Variants in STIM1 observed in about 807,000 individuals in gnomAD.
STIM1 encodes the protein stromal interaction molecule 1.
Under a neutral mutation model 74.7 loss-of-function variants are expected in STIM1, and 25 were observed. That is an observed-to-expected ratio of 0.33 (90% CI 0.24 to 0.47). STIM1 has a LOEUF of 0.47. Ranked by LOEUF, STIM1 falls within the 20% of genes least tolerant of loss-of-function variation. The pLI is 1.00. For synonymous variants in STIM1, 328 were observed against 348.8 expected, an observed-to-expected ratio of 0.94 and a Z score of 0.66; for missense variants, 728 against 920.8, an observed-to-expected ratio of 0.79 and a Z score of 2.71.
intron 2 of STIM1, among the ~76,000 whole-genome samples, chr11:3,984,861 C>T (rs1191526468): frequency 6.6e-6 from 1 of 152,164 alleles, no homozygotes; most frequent in Non-Finnish European, 1.5e-5. Context: ...ATTATGTAAA[C>T]AGGCAGTGAC....
At chr11:4,026,625 C>G (rs4910875) in intron 3 of STIM1, among the ~76,000 whole-genome samples, 37,593 of 152,080 alleles carry the variant, frequency 0.25, 5,664 homozygotes, top group South Asian at 0.45. Flanking sequence ...ATTACCATGG[C>G]CTTCTCAGGT....
intron 7 of STIM1, among the ~76,000 whole-genome samples, chr11:4,078,606 C>T (rs1161549751): frequency 6.0e-5 from 9 of 150,564 alleles, no homozygotes; most frequent in East Asian, 5.9e-4. Flanking sequence ...TCGCTCTTGT[C>T]GCCCAGGCTG....
chr11:4,043,829 A>G (rs1262589370), intron 3 of STIM1, among the ~76,000 whole-genome samples: 1 of 151,944 alleles, frequency 6.6e-6, no homozygotes, highest in Non-Finnish European at 1.5e-5. Context: ...ATCCTGGCCA[A>G]CATGGTGAAA....
intron 1 of STIM1, among the ~76,000 whole-genome samples, chr11:3,885,289 C>T (rs1053525689): frequency 1.3e-5 from 2 of 151,780 alleles, no homozygotes; most frequent in African/African-American, 4.8e-5. Context: ...ACCAATCCTT[C>T]CACTTCAGCC....
At chr11:3,964,297 C>T (rs929918504) in intron 1 of STIM1, among the ~76,000 whole-genome samples, 1 of 152,172 alleles carries the variant, frequency 6.6e-6, no homozygotes, top group African/African-American at 2.4e-5. Flanking sequence ...GGAAAGGTCT[C>T]AGGAAGAACA....
chr11:3,987,804 GACACACACAC>G (rs55772228), intron 2 of STIM1, among the ~76,000 whole-genome samples: 3,973 of 145,382 alleles, frequency 0.027, 74 homozygotes, highest in Non-Finnish European at 0.026. Context: ...TGTCCTTAAG[GACACACACAC>G]ACACACACAC....
intron 1 of STIM1, among the ~76,000 whole-genome samples, chr11:3,909,256 T>G (rs879595170): frequency 1.3e-5 from 2 of 152,124 alleles, no homozygotes; most frequent in Non-Finnish European, 2.9e-5. Context: ...GAGGGTGGGT[T>G]CAAGTGCCGT....
At chr11:4,067,769 C>G (rs2094377630) in intron 5 of STIM1, among the ~76,000 whole-genome samples, 1 of 152,176 alleles carries the variant, frequency 6.6e-6, no homozygotes. Context: ...CTCTATTTCC[C>G]TTCCTTTCTT....
rs1159126517 is a variant in STIM1, at chr11:3,873,418, C to CA, written c.139+17028dup. Among the ~76,000 whole-genome samples the CA allele has an allele frequency of 9.3e-3, 527 of 56,818 alleles. 2 individuals carry two copies. The highest frequency in any genetic ancestry group is 0.022 in the South Asian group (38 of 1,744). The allele number at this position is 56,818 out of a possible 152,430, so 37.3% of individuals were successfully genotyped here. A position where few individuals can be genotyped will look rare whatever the true frequency, so the allele number is the denominator to read the frequency against. ...GGGCAACAAGAGCAAAGCTCCATTT[C>CA]AAAAAAAAAAAAAAAAAAATTAAAA... On this transcript the variant is annotated intron_variant, in intron 1 of 12. Coordinates refer to ENST00000526596, the MANE Select transcript of STIM1 (RefSeq NM_001382567.1).
chr11:3,923,707 C>T (rs1468229683), intron 1 of STIM1, among the ~76,000 whole-genome samples: 1 of 151,224 alleles, frequency 6.6e-6, no homozygotes. Flanking sequence ...ACTCTCTATT[C>T]TAATTGTCAT....
intron 1 of STIM1, among the ~76,000 whole-genome samples, chr11:3,932,687 G>C (rs958750227): frequency 1.6e-5 from 2 of 128,700 alleles, no homozygotes; most frequent in Non-Finnish European, 3.4e-5. Context: ...AAAAAAAAAA[G>C]AAAAGAAAAG....
chr11:4,051,268 G>C (rs2094238234), intron 3 of STIM1, among the ~76,000 whole-genome samples: 1 of 151,760 alleles, frequency 6.6e-6, no homozygotes, highest in Admixed American at 6.6e-5. Flanking sequence ...AGATGATACA[G>C]AATAAACTTT....
intron 2 of STIM1, among the ~76,000 whole-genome samples, chr11:3,975,766 T>C (rs1486589368): frequency 6.6e-6 from 1 of 152,196 alleles, no homozygotes; most frequent in Admixed American, 6.5e-5. Context: ...TTATTAACCA[T>C]TAGGGAAATG....
At chr11:3,941,638 T>G (rs868869017) in intron 1 of STIM1, among the ~76,000 whole-genome samples, 319 of 91,490 alleles carry the variant, frequency 3.5e-3, no homozygotes, top group South Asian at 5.5e-3. Flanking sequence ...TATAGAGAGA[T>G]AGTGTGTGTG....
intron 11 of STIM1, among the ~76,000 whole-genome samples, chr11:4,085,117 G>C (rs2094485743): frequency 6.6e-6 from 1 of 151,844 alleles, no homozygotes; most frequent in Non-Finnish European, 1.5e-5. Context: ...TTTCTTCCCA[G>C]TTTCCCCCTT....
At chr11:3,908,641 G>T (rs1268355195) in intron 1 of STIM1, among the ~76,000 whole-genome samples, 5 of 150,970 alleles carry the variant, frequency 3.3e-5, no homozygotes, top group Admixed American at 6.6e-5. Flanking sequence ...TGCCAAGATT[G>T]CATGGCTAGA....
At chr11:4,078,801 C>T (rs1178743245) in intron 7 of STIM1, among the ~76,000 whole-genome samples, 1 of 151,746 alleles carries the variant, frequency 6.6e-6, no homozygotes, top group Non-Finnish European at 1.5e-5. Context: ...GAACTCCTGA[C>T]CTCAGGTGAG....
intron 6 of STIM1, among the ~76,000 whole-genome samples, chr11:4,072,375 T>C (rs1018612995): frequency 1.3e-5 from 2 of 152,232 alleles, no homozygotes; most frequent in Non-Finnish European, 1.5e-5. Context: ...TGAATAAATA[T>C]AATTCTACAT....
Position 4,091,991 on chromosome 11 carries a change from G to C in STIM1, c.*193G>C, listed in dbSNP as rs200706668. On this transcript the variant is annotated 3_prime_UTR_variant, in exon 13 of 13. Transcript: ENST00000526596. ...TATTATTTATTAACTGACCACCATG[G>C]CCTGCCTGCCCTGCCTCCGTCCCAA... is the stretch of plus-strand genomic sequence containing the variant. 30 of 758,146 alleles carry C rather than the reference G, an allele frequency of 4.0e-5. No homozygotes were observed. Among genetic ancestry groups the C allele is most frequent in the Non-Finnish European group, 5.1e-5 (24 of 466,574 alleles). 47.0% of individuals were successfully genotyped at this position (758,146 alleles called of 1,614,324 possible).
Sources: gnomAD v4.1 joint callset for allele counts (sites outside exome capture counted in the v4.1 genomes callset) on GRCh38, gnomAD v4.1.1 for gene constraint, MANE v1.5 for transcripts, NCBI Gene and HGNC (gene_info 2026-07-23, HGNC 2026-07-21) for gene names.